The following RAB38 variants were observed in gnomAD, a reference collection of about 807,000 sequenced individuals.
RAB38 encodes RAB38, member RAS oncogene family.
A neutral mutation model predicts 18.4 loss-of-function variants in RAB38; 15 were observed. The ratio of observed to expected loss-of-function variants is 0.82; its 90% CI spans 0.55 to 1.26. RAB38 has a LOEUF of 1.26. Ranked by LOEUF, RAB38 falls within the 50% of genes most tolerant of loss-of-function variation. The pLI, the probability that RAB38 is intolerant of heterozygous loss-of-function variation, is 0.00. For missense variants in RAB38, 294 were observed against 267.4 expected, an observed-to-expected ratio of 1.10 and a Z score of -0.69; for synonymous variants, 101 against 104.4, an observed-to-expected ratio of 0.97 and a Z score of 0.20.
intron 2 of RAB38, among the ~76,000 whole-genome samples, chr11:88,140,170 G>T (rs1046181361): frequency 6.6e-6 from 1 of 152,098 alleles, no homozygotes; most frequent in African/African-American, 2.4e-5. Flanking sequence ...TAAGGTAGGG[G>T]GTGCAGCTTC....
chr11:88,103,666 CTAAT>C, the RAB38 span, among the ~76,000 whole-genome samples: 1 of 151,992 alleles, frequency 6.6e-6, no homozygotes, highest in African/African-American at 2.4e-5. Context: ...ATGGCTTACT[CTAAT>C]TAATACACTG....
At chr11:88,151,315 A>G (rs937011459) in intron 1 of RAB38, among the ~76,000 whole-genome samples, 6 of 152,206 alleles carry the variant, frequency 3.9e-5, no homozygotes, top group African/African-American at 1.4e-4. Context: ...ACAATATGGC[A>G]CAAGTTCTGA....
At chr11:88,089,997 G>C in the RAB38 span, among the ~76,000 whole-genome samples, 121 of 151,980 alleles carry the variant, frequency 8.0e-4, 1 homozygote, top group African/African-American at 2.8e-3. Flanking sequence ...CCTCAGAACT[G>C]GGGGACTATA....
chr11:87,918,546 T>C, the RAB38 span, among the ~76,000 whole-genome samples: 5 of 152,106 alleles, frequency 3.3e-5, no homozygotes, highest in African/African-American at 1.2e-4. Context: ...ATACTTCTTA[T>C]CATTTGTCAC....
chr11:88,143,191 G>A (rs1318140270), intron 2 of RAB38, among the ~76,000 whole-genome samples: 1 of 152,154 alleles, frequency 6.6e-6, no homozygotes, highest in Non-Finnish European at 1.5e-5. Context: ...AACTTTAATT[G>A]CTTCATCTGT....
the RAB38 span, among the ~76,000 whole-genome samples, chr11:88,035,226 A>C: frequency 6.6e-6 from 1 of 152,186 alleles, no homozygotes; most frequent in Non-Finnish European, 1.5e-5. Context: ...TCTTTTGATG[A>C]ATAAAGTTTT....
the RAB38 span, among the ~76,000 whole-genome samples, chr11:87,868,973 G>C: frequency 1.3e-5 from 2 of 151,688 alleles, no homozygotes; most frequent in Admixed American, 6.6e-5. Context: ...GACTGGAACT[G>C]TTTGTGCTCC....
At chr11:88,171,463 C>T (rs1057287475) in intron 1 of RAB38, among the ~76,000 whole-genome samples, 3 of 152,188 alleles carry the variant, frequency 2.0e-5, no homozygotes, top group Admixed American at 2.0e-4. Flanking sequence ...CAAGGTTTCA[C>T]AGTTTGCCTA....
chr11:88,031,405 AG>A, the RAB38 span, among the ~76,000 whole-genome samples: 1 of 150,794 alleles, frequency 6.6e-6, no homozygotes, highest in African/African-American at 2.4e-5. Context: ...AAGGAAATAA[AG>A]GGTATTCAAT....
the RAB38 span, among the ~76,000 whole-genome samples, chr11:87,829,862 A>G: frequency 6.6e-6 from 1 of 152,172 alleles, no homozygotes; most frequent in East Asian, 1.9e-4. Context: ...AATAGCACAT[A>G]TTAATTTAAC....
the RAB38 span, among the ~76,000 whole-genome samples, chr11:88,022,354 G>A: frequency 6.6e-6 from 1 of 151,356 alleles, no homozygotes; most frequent in African/African-American, 2.4e-5. Flanking sequence ...ATATCTGAAT[G>A]TAATAAAAGC....
the RAB38 span, among the ~76,000 whole-genome samples, chr11:88,008,528 G>A: frequency 6.6e-6 from 1 of 152,066 alleles, no homozygotes; most frequent in Non-Finnish European, 1.5e-5. Context: ...TCTGTATGAA[G>A]AAGCCTCCAG....
At chr11:87,804,511 C>A in the RAB38 span, among the ~76,000 whole-genome samples, 1 of 152,132 alleles carries the variant, frequency 6.6e-6, no homozygotes, top group Non-Finnish European at 1.5e-5. Context: ...TTTATACAAC[C>A]CTGTGAGGAC....
intron 2 of RAB38, among the ~76,000 whole-genome samples, chr11:88,142,303 C>T (rs1359615239): frequency 6.6e-6 from 1 of 152,150 alleles, no homozygotes; most frequent in Non-Finnish European, 1.5e-5. Context: ...ACATGGAAAA[C>T]GGGGATAATG....
the RAB38 span, among the ~76,000 whole-genome samples, chr11:87,932,004 G>C: frequency 6.6e-6 from 1 of 151,938 alleles, no homozygotes; most frequent in Non-Finnish European, 1.5e-5. Flanking sequence ...GGATTTTGGT[G>C]CTGCTTCTGA....
chr11:87,846,123 G>C, the RAB38 span, among the ~76,000 whole-genome samples: 1 of 151,896 alleles, frequency 6.6e-6, no homozygotes, highest in Non-Finnish European at 1.5e-5. Context: ...TAAAAAGCCA[G>C]ATAATAAATC....
the RAB38 span, among the ~76,000 whole-genome samples, chr11:87,839,435 A>T: frequency 1.8e-4 from 28 of 152,296 alleles, 2 homozygotes; most frequent in South Asian, 5.8e-3. Flanking sequence ...TACATAGGCT[A>T]TATTTGGCTG....
chr11:88,030,744 C>T, the RAB38 span, among the ~76,000 whole-genome samples: 2 of 152,142 alleles, frequency 1.3e-5, no homozygotes, highest in African/African-American at 2.4e-5. Flanking sequence ...CTATAGCTTA[C>T]CAACCAAAAA....
At chr11:87,820,509 C>A in the RAB38 span, among the ~76,000 whole-genome samples, 1 of 152,282 alleles carries the variant, frequency 6.6e-6, no homozygotes, top group Non-Finnish European at 1.5e-5. Flanking sequence ...AGAAACAAAG[C>A]CACATATTTA....
Sources: allele counts gnomAD v4.1 joint callset (sites outside exome capture counted in the v4.1 genomes callset), GRCh38; gene constraint gnomAD v4.1.1; transcripts MANE v1.5; gene names NCBI Gene and HGNC (gene_info 2026-07-23, HGNC 2026-07-21).